SPG21: variants seen among roughly 807,000 people sequenced by gnomAD.
SPG21 encodes maspardin.
A neutral mutation model predicts 38.9 loss-of-function variants in SPG21; 26 were observed. That is an observed-to-expected ratio of 0.67 (90% CI 0.49 to 0.93). SPG21 has a LOEUF of 0.93. Ranked by LOEUF, SPG21 falls within the 40% of genes least tolerant of loss-of-function variation. The pLI, the probability that SPG21 is intolerant of heterozygous loss-of-function variation, is 0.00. For synonymous variants in SPG21, 136 were observed against 128.9 expected, an observed-to-expected ratio of 1.05 and a Z score of -0.37; for missense variants, 333 against 376.5, an observed-to-expected ratio of 0.88 and a Z score of 0.96.
intron 1 of SPG21, chr15:64,987,421 A>G (rs998522094): frequency 1.3e-5 from 2 of 152,220 alleles, no homozygotes; most frequent in Non-Finnish European, 2.9e-5. Flanking sequence ...TATGAATAGG[A>G]AAGTTTGTTC....
At chr15:64,987,142 C>T (rs749099124) in intron 1 of SPG21, 11 of 152,166 alleles carry the variant, frequency 7.2e-5, no homozygotes, top group African/African-American at 2.7e-4. Flanking sequence ...TCTTCTTTCC[C>T]ATAGCAGTAA....
In SPG21 at chr15:64,980,998, T is replaced by A; in HGVS notation, c.91A>T (p.Ile31Leu). Residue 31 changes from isoleucine to leucine, a missense_variant, in exon 3 of 9, where the codon ATA (isoleucine) becomes TTA (leucine). Coordinates refer to ENST00000204566, the MANE Select transcript of SPG21 (RefSeq NM_016630.7). ...KIIVDDDDSK[I>L]WSLYDAGPRS... ...GGGCCCGCGTCATAGAGCGACCATATCTTACTGTCATCATCATCCACAATA... is the reference window on the plus strand; with the variant it reads ...GGGCCCGCGTCATAGAGCGACCATAACTTACTGTCATCATCATCCACAATA... 1 of 1,614,114 alleles carries A rather than the reference T, an allele frequency of 6.2e-7. No individual in the cohort carries two copies. The highest frequency in any genetic ancestry group is 8.5e-7 in the Non-Finnish European group (1 of 1,180,024).
chr15:64,988,981 CA>C (rs148681989), intron 1 of SPG21: 5,533 of 92,260 alleles, frequency 0.06, 163 homozygotes, highest in African/African-American at 0.16. Context: ...GACTCCGTCT[CA>C]AAAAAAAAAA....
intron 1 of SPG21, among the ~76,000 whole-genome samples, chr15:64,984,115 C>T (rs755742687): frequency 1.4e-4 from 22 of 152,070 alleles, no homozygotes; most frequent in Admixed American, 2.6e-4. Context: ...ATTATTCCAA[C>T]ACCCTTAGTT....
At chr15:64,964,213 T>C (rs2085501306) in intron 8 of SPG21, among the ~76,000 whole-genome samples, 1 of 152,242 alleles carries the variant, frequency 6.6e-6, no homozygotes, top group South Asian at 2.1e-4. Flanking sequence ...AACAATTTTT[T>C]GAAACCACAT....
chr15:64,965,724 G>A (rs1004215562), intron 7 of SPG21, among the ~76,000 whole-genome samples: 10 of 152,098 alleles, frequency 6.6e-5, no homozygotes, highest in Admixed American at 6.6e-4. Context: ...TTTGGTGGGG[G>A]GAAATTCTTT....
chr15:64,975,406 G>C (rs1020921154), intron 4 of SPG21, among the ~76,000 whole-genome samples: 2 of 151,002 alleles, frequency 1.3e-5, no homozygotes, highest in Non-Finnish European at 2.9e-5. Flanking sequence ...TACGTGCCTA[G>C]AGTCCTAGCT....
intron 5 of SPG21, among the ~76,000 whole-genome samples, chr15:64,974,195 A>G (rs1311007507): frequency 6.6e-6 from 1 of 152,248 alleles, no homozygotes; most frequent in Non-Finnish European, 1.5e-5. Flanking sequence ...AGCCGGGCAC[A>G]GTGGCTCATG....
At chr15:64,964,547 A>G (rs2085506408) in intron 8 of SPG21, among the ~76,000 whole-genome samples, 1 of 152,174 alleles carries the variant, frequency 6.6e-6, no homozygotes, top group Non-Finnish European at 1.5e-5. Context: ...CATCTTGCCA[A>G]ACTGCCAGGG....
rs758425782 is a variant in SPG21 at position 64,983,570 on chromosome 15, G to A, written c.-1C>T. On this transcript the variant is annotated 5_prime_UTR_variant, in exon 2 of 9. Coordinates refer to ENST00000204566, the MANE Select transcript of SPG21 (RefSeq NM_016630.7). ...CAGGAGAGACTTTAATCTCTCCCAT[G>A]ATTAGCTGAAATGGAGGTTAATCCT... The A allele has an allele frequency of 7.0e-6, 11 of 1,569,658 alleles. No homozygotes were observed. The highest frequency in any genetic ancestry group is 4.0e-4 in the Middle Eastern group (2 of 4,970).
At chr15:64,982,137 C>CTT (rs2085896381) in intron 2 of SPG21, among the ~76,000 whole-genome samples, 4 of 95,684 alleles carry the variant, frequency 4.2e-5, no homozygotes, top group Admixed American at 1.5e-4. Flanking sequence ...TTTTTCTTTT[C>CTT]TTTTCTTTTT....
chr15:64,970,090 C>T, intron 6 of SPG21, 24 bp downstream of exon 6: 1 of 1,570,418 alleles, frequency 6.4e-7, no homozygotes, highest in South Asian at 1.1e-5. Flanking sequence ...CAATGTGTCC[C>T]CAACCCAATG....
At chr15:64,970,050 G>A in intron 6 of SPG21, 64 bp downstream of exon 6, 1 of 1,291,520 alleles carries the variant, frequency 7.7e-7, no homozygotes, top group South Asian at 1.2e-5. Context: ...TCTATCTTCT[G>A]GAACCAAGTA....
At chr15:64,977,580 G>A (rs1263195700) in intron 3 of SPG21, among the ~76,000 whole-genome samples, 1 of 152,046 alleles carries the variant, frequency 6.6e-6, no homozygotes, top group Non-Finnish European at 1.5e-5. Context: ...TGCCCAGGCT[G>A]GTCTTGAACT....
chr15:64,969,204 C>A (rs751573424), intron 7 of SPG21, 51 bp downstream of exon 7: 16 of 1,212,440 alleles, frequency 1.3e-5, no homozygotes, highest in Middle Eastern at 1.9e-4. Context: ...GAGATCTTGA[C>A]ATACACATTT....
In SPG21 at chr15:64,965,318, AC is replaced by A. The variant is rs2085519978; in HGVS notation, c.810+1del. The A allele has an allele frequency of 6.2e-7, 1 of 1,614,194 alleles. No homozygotes were observed. Among genetic ancestry groups the A allele is most frequent in the Non-Finnish European group, 8.5e-7 (1 of 1,180,040 alleles). On this transcript the variant is annotated splice_donor_variant, in intron 8 of 8. Coordinates refer to ENST00000204566, the MANE Select transcript of SPG21 (RefSeq NM_016630.7). LOFTEE classifies it high-confidence loss of function. Reference sequence around the variant, plus strand: ...TGCTCTGGGTTTCAAGCTAGGCCTTACCTGTACATAAAGATTGACCTCTGCA... The same window carrying A: ...TGCTCTGGGTTTCAAGCTAGGCCTTACTGTACATAAAGATTGACCTCTGCA...
chr15:64,973,215 T>C (rs1016664275), intron 5 of SPG21, among the ~76,000 whole-genome samples: 1 of 152,198 alleles, frequency 6.6e-6, no homozygotes, highest in African/African-American at 2.4e-5. Flanking sequence ...GTGATCCTCC[T>C]GTCTTGGCCT....
chr15:64,981,279 C>A, intron 2 of SPG21: 1 of 432,426 alleles, frequency 2.3e-6, no homozygotes, highest in Non-Finnish European at 4.1e-6. Flanking sequence ...TCTGTTTCTT[C>A]CCCCTCCTCC....
At chr15:64,980,696 C>G (rs562706449) in intron 3 of SPG21, among the ~76,000 whole-genome samples, 168 bp downstream of exon 3, 2 of 151,886 alleles carry the variant, frequency 1.3e-5, no homozygotes, top group East Asian at 1.9e-4. Context: ...AGAGATCACG[C>G]CACTGCACTC....
Sources: gnomAD v4.1 joint callset for allele counts (sites outside exome capture counted in the v4.1 genomes callset) on GRCh38, gnomAD v4.1.1 for gene constraint, MANE v1.5 for transcripts, NCBI Gene and HGNC (gene_info 2026-07-23, HGNC 2026-07-21) for gene names.